MAGI2: variants seen among roughly 807,000 people sequenced by gnomAD.
MAGI2 encodes membrane-associated guanylate kinase, WW and PDZ domain-containing protein 2.
A neutral mutation model predicts 133.3 loss-of-function variants in MAGI2; 35 were observed. The ratio of observed to expected loss-of-function variants is 0.26; its 90% CI spans 0.20 to 0.35. The LOEUF (loss-of-function observed/expected upper bound fraction) is 0.35. Among genes scored for constraint, MAGI2 ranks in the 10% least tolerant of loss-of-function variants. The probability of loss-of-function intolerance (pLI) is 1.00; values close to 1 mark genes in which losing one functional copy is unlikely to be tolerated. For missense variants in MAGI2, 1,636 were observed against 1,863.4 expected (o/e 0.88, Z 2.25); for synonymous variants, 729 against 710.6 (o/e 1.03, Z -0.41).
intron 6 of MAGI2, among the ~76,000 whole-genome samples, chr7:78,403,830 GA>G (rs1209939516): frequency 1.3e-5 from 2 of 152,148 alleles, no homozygotes; most frequent in African/African-American, 2.4e-5. Context: ...TCAGGCAGGA[GA>G]AAGAAATGAA....
intron 6 of MAGI2, among the ~76,000 whole-genome samples, chr7:78,440,471 C>T (rs946147384): frequency 4.6e-5 from 7 of 151,958 alleles, no homozygotes; most frequent in African/African-American, 1.2e-4. Context: ...GAAGAGACAC[C>T]GTGAAGGCAA....
chr7:78,948,510 TA>T (rs1485255312), intron 2 of MAGI2, among the ~76,000 whole-genome samples: 6 of 152,080 alleles, frequency 3.9e-5, no homozygotes, highest in Non-Finnish European at 7.4e-5. Context: ...TGGTAGGAAA[TA>T]ATGGCTTTGA....
chr7:78,077,682 T>G (rs1815482402), intron 21 of MAGI2, among the ~76,000 whole-genome samples: 1 of 145,312 alleles, frequency 6.9e-6, no homozygotes, highest in African/African-American at 2.6e-5. Flanking sequence ...TTAGACAATG[T>G]ATGCAAAAAG....
At chr7:78,642,560 T>C (rs993346564) in intron 2 of MAGI2, among the ~76,000 whole-genome samples, 7 of 152,140 alleles carry the variant, frequency 4.6e-5, no homozygotes, top group African/African-American at 1.4e-4. Context: ...CAAATATATA[T>C]GAAATGTTTC....
At chr7:78,237,151 C>T (rs1790635951) in intron 10 of MAGI2, among the ~76,000 whole-genome samples, 1 of 152,108 alleles carries the variant, frequency 6.6e-6, no homozygotes, top group African/African-American at 2.4e-5. Flanking sequence ...TCTGTAAACA[C>T]ACTTCTACTG....
chr7:78,931,411 C>T (rs576424327), intron 2 of MAGI2, among the ~76,000 whole-genome samples: 1 of 152,206 alleles, frequency 6.6e-6, no homozygotes, highest in East Asian at 1.9e-4. Flanking sequence ...TTGGCAAAAG[C>T]ATTTGAGAGC....
intron 1 of MAGI2, among the ~76,000 whole-genome samples, chr7:79,436,966 C>G (rs1286518193): frequency 6.6e-6 from 1 of 152,128 alleles, no homozygotes; most frequent in Admixed American, 6.5e-5. Flanking sequence ...CAATGGTGAA[C>G]TGGATAAAGA....
chr7:78,363,616 T>C (rs1419640888), intron 7 of MAGI2, among the ~76,000 whole-genome samples: 1 of 151,952 alleles, frequency 6.6e-6, no homozygotes, highest in Non-Finnish European at 1.5e-5. Flanking sequence ...AAGTTTCTCT[T>C]AGAATTGTTC....
chr7:78,598,310 A>G, intron 3 of MAGI2, among the ~76,000 whole-genome samples: 1 of 152,118 alleles, frequency 6.6e-6, no homozygotes, highest in East Asian at 1.9e-4. Flanking sequence ...GGAGCTCTGG[A>G]AATATATTAG....
intron 2 of MAGI2, among the ~76,000 whole-genome samples, chr7:78,635,798 T>C (rs1402649504): frequency 3.3e-5 from 5 of 152,240 alleles, no homozygotes; most frequent in Non-Finnish European, 7.3e-5. Context: ...CAGATTTGTG[T>C]ATGCTGCCAA....
chr7:78,766,095 G>A (rs1402818445), intron 2 of MAGI2, among the ~76,000 whole-genome samples: 1 of 152,158 alleles, frequency 6.6e-6, no homozygotes, highest in African/African-American at 2.4e-5. Flanking sequence ...GGCCCTTTGA[G>A]TGAAATAACC....
intron 3 of MAGI2, among the ~76,000 whole-genome samples, chr7:78,601,744 G>C (rs1805232370): frequency 6.6e-6 from 1 of 152,136 alleles, no homozygotes; most frequent in African/African-American, 2.4e-5. Context: ...TGTACACTTT[G>C]CAATGTAACT....
chr7:78,299,534 G>T (rs895436208), intron 9 of MAGI2, among the ~76,000 whole-genome samples: 1 of 152,126 alleles, frequency 6.6e-6, no homozygotes, highest in Non-Finnish European at 1.5e-5. Flanking sequence ...ACAAAAAAAT[G>T]CTACAGGGAA....
chr7:79,374,292 C>G (rs961509764), intron 1 of MAGI2, among the ~76,000 whole-genome samples: 7 of 150,970 alleles, frequency 4.6e-5, no homozygotes, highest in African/African-American at 1.7e-4. Flanking sequence ...TGACTGGTAG[C>G]CTTATCAAAG....
At chr7:79,208,224 A>C (rs1010409893) in intron 1 of MAGI2, among the ~76,000 whole-genome samples, 3 of 152,030 alleles carry the variant, frequency 2.0e-5, no homozygotes, top group African/African-American at 7.3e-5. Context: ...CAACGAAGGA[A>C]ACAGTTAAAA....
intron 2 of MAGI2, among the ~76,000 whole-genome samples, chr7:78,753,324 GA>G (rs1290409403): frequency 8.6e-5 from 13 of 151,082 alleles, no homozygotes; most frequent in East Asian, 7.8e-4. Context: ...TTTAGTATCT[GA>G]AAAAAAAATT....
rs933016717 is a variant in MAGI2 at position 78,774,671 on chromosome 7, C to T, written c.419-147432G>A. Among the ~76,000 whole-genome samples, 9 of 152,228 alleles carry T rather than the reference C, an allele frequency of 5.9e-5. 1 individual carries two copies. The highest frequency in any genetic ancestry group is 5.2e-4 in the Admixed American group (8 of 15,288). ...GTGTCTCACATTCACTTTGCAGGAG[C>T]TCTGGGCAAAGATTTTCTGAGAAGA... On this transcript the variant is annotated intron_variant, in intron 2 of 21. Coordinates refer to ENST00000354212, the MANE Select transcript of MAGI2 (RefSeq NM_012301.4).
chr7:78,936,420 T>C (rs1456835267), intron 2 of MAGI2, among the ~76,000 whole-genome samples: 1 of 151,924 alleles, frequency 6.6e-6, no homozygotes, highest in African/African-American at 2.4e-5. Context: ...AAATAATATG[T>C]TGATAATCCA....
At chr7:79,153,203 T>C (rs184526063) in intron 1 of MAGI2, among the ~76,000 whole-genome samples, 1 of 152,252 alleles carries the variant, frequency 6.6e-6, no homozygotes, top group East Asian at 1.9e-4. Context: ...ATGATTAAAA[T>C]TCTTAGTTCT....
Sources: allele counts gnomAD v4.1 joint callset (sites outside exome capture counted in the v4.1 genomes callset), GRCh38; gene constraint gnomAD v4.1.1; transcripts MANE v1.5; gene names NCBI Gene and HGNC (gene_info 2026-07-23, HGNC 2026-07-21).